Variants in DSCAML1 observed in about 807,000 individuals in gnomAD.
DSCAML1 encodes the protein cell adhesion molecule DSCAML1.
Under a neutral mutation model 200.5 loss-of-function variants are expected in DSCAML1, and 38 were observed. The ratio of observed to expected loss-of-function variants is 0.19; its 90% CI spans 0.15 to 0.25. The LOEUF is 0.25. Ranked by LOEUF, DSCAML1 falls within the 10% of genes least tolerant of loss-of-function variation. The pLI, the probability that DSCAML1 is intolerant of heterozygous loss-of-function variation, is 1.00. For synonymous variants in DSCAML1, 1,215 were observed against 1,165.0 expected (o/e 1.04, Z -0.87); for missense variants, 2,223 against 2,858.8 (o/e 0.78, Z 5.07).
chr11:117,689,865 G>A (rs942423757), intron 3 of DSCAML1, among the ~76,000 whole-genome samples: 4 of 152,138 alleles, frequency 2.6e-5, no homozygotes, highest in African/African-American at 9.7e-5. Context: ...TCAGACAAAC[G>A]ACACCCCTGA....
chr11:117,623,854 T>A (rs2051989457), intron 3 of DSCAML1, among the ~76,000 whole-genome samples: 2 of 152,188 alleles, frequency 1.3e-5, no homozygotes, highest in Admixed American at 1.3e-4. Context: ...CTTCTGACAC[T>A]GAGACCAGTT....
chr11:117,500,765 C>G (rs1251467504), intron 11 of DSCAML1, among the ~76,000 whole-genome samples: 1 of 152,220 alleles, frequency 6.6e-6, no homozygotes, highest in Non-Finnish European at 1.5e-5. Flanking sequence ...CATTAGAAGC[C>G]AACCACAAAC....
At chr11:117,742,170 T>C (rs963401896) in intron 3 of DSCAML1, among the ~76,000 whole-genome samples, 3 of 152,142 alleles carry the variant, frequency 2.0e-5, no homozygotes, top group Non-Finnish European at 4.4e-5. Flanking sequence ...GGAGGAGGAA[T>C]TGCGAAACCC....
Position 117,480,382 on chromosome 11 carries a change from G to C in DSCAML1, c.2785+61C>G. ...GCTCTCCTCCCAGAGGGCACAGGCA[G>C]GACACGTGGCACAAGGGGCCATGGC... On this transcript the variant is annotated intron_variant, in intron 14 of 32. Coordinates refer to ENST00000651296, the MANE Select transcript of DSCAML1 (RefSeq NM_020693.4). The surrounding 1 kb of genome is among the most constrained non-coding windows in gnomAD (Gnocchi z 4.1). 6.2e-7 allele frequency: 1 copy of C among 1,602,292 alleles called. No homozygotes were observed. The highest frequency in any genetic ancestry group is 2.3e-5 in the East Asian group (1 of 44,440).
chr11:117,530,839 C>T (rs1191050166), intron 4 of DSCAML1, among the ~76,000 whole-genome samples: 12 of 152,066 alleles, frequency 7.9e-5, no homozygotes, highest in Admixed American at 2.6e-4. Flanking sequence ...AGAGAGGCTG[C>T]GAGATTTCAT....
chr11:117,670,309 G>GCC (rs2053077540), intron 3 of DSCAML1, among the ~76,000 whole-genome samples: 3 of 152,058 alleles, frequency 2.0e-5, no homozygotes, highest in Admixed American at 2.0e-4. Flanking sequence ...CCGCCCCCCA[G>GCC]ACCGACTCCA....
At chr11:117,692,893 C>A (rs540654803) in intron 3 of DSCAML1, among the ~76,000 whole-genome samples, 1 of 152,298 alleles carries the variant, frequency 6.6e-6, no homozygotes, top group South Asian at 2.1e-4. Flanking sequence ...GGTCTACTTC[C>A]CCTATGCACA....
intron 20 of DSCAML1, among the ~76,000 whole-genome samples, chr11:117,444,976 A>G (rs11216394): frequency 0.41 from 62,550 of 151,958 alleles, 13,154 homozygotes; most frequent in African/African-American, 0.48. Flanking sequence ...GAGGGAGAGC[A>G]GCCCCAGAAC....
intron 3 of DSCAML1, among the ~76,000 whole-genome samples, chr11:117,579,645 A>G (rs2051007588): frequency 6.6e-6 from 1 of 152,176 alleles, no homozygotes; most frequent in Admixed American, 6.5e-5. Flanking sequence ...GATATTTTCT[A>G]GTTCGTGACG....
chr11:117,575,120 G>T (rs765374597), intron 3 of DSCAML1, among the ~76,000 whole-genome samples: 2 of 152,316 alleles, frequency 1.3e-5, no homozygotes, highest in Middle Eastern at 3.4e-3. Context: ...GAACCCAGGA[G>T]GCGGAGGTTG....
At chr11:117,805,719 C>T (rs2055702695) in intron 1 of DSCAML1, among the ~76,000 whole-genome samples, 2 of 152,304 alleles carry the variant, frequency 1.3e-5, no homozygotes, top group Non-Finnish European at 2.9e-5. Context: ...TTGGTTTACT[C>T]ATTCTTTTGG....
intron 3 of DSCAML1, among the ~76,000 whole-genome samples, chr11:117,681,271 G>A (rs529761975): frequency 2.0e-5 from 3 of 152,234 alleles, no homozygotes; most frequent in South Asian, 2.1e-4. Context: ...CAGCAGCATC[G>A]GCATCACCTG....
chr11:117,456,965 G>A (rs2048383422), intron 19 of DSCAML1, among the ~76,000 whole-genome samples: 3 of 152,204 alleles, frequency 2.0e-5, no homozygotes, highest in Admixed American at 6.5e-5. Context: ...GTGAGCCACT[G>A]CATCCGGCCT....
At chr11:117,492,576 T>TTCCCCAACCCACCCCACTCCCCTTC (rs2049204023) in intron 11 of DSCAML1, among the ~76,000 whole-genome samples, 1 of 152,172 alleles carries the variant, frequency 6.6e-6, no homozygotes, top group Non-Finnish European at 1.5e-5. Context: ...GCCCCTCCTT[T>TTCCCCAACCCACCCCACTCCCCTTC]TCCCCAACCC....
At chr11:117,435,153 C>G (rs528124619) in intron 27 of DSCAML1, among the ~76,000 whole-genome samples, 44 of 152,290 alleles carry the variant, frequency 2.9e-4, no homozygotes, top group African/African-American at 1.0e-3. Context: ...ACTGTGGCAT[C>G]AGGTAATGGA....
At chr11:117,486,465 T>A (rs1268953881) in intron 11 of DSCAML1, among the ~76,000 whole-genome samples, 1 of 49,310 alleles carries the variant, frequency 2.0e-5, no homozygotes, top group South Asian at 6.6e-4. Flanking sequence ...GTAGCGGATG[T>A]GAAAATGGTG....
chr11:117,665,523 T>C (rs779506849), intron 3 of DSCAML1, among the ~76,000 whole-genome samples: 4 of 152,168 alleles, frequency 2.6e-5, no homozygotes, highest in Non-Finnish European at 5.9e-5. Flanking sequence ...AGTCTACTTA[T>C]AAAATAGGGC....
At position 117,456,258 on chromosome 11, in the gene DSCAML1, A is replaced by G. The variant is rs531890867; in HGVS notation, c.3568+2496T>C. ...GGGCAGCTGATATTCAGAGGATGGC[A>G]GAGCAGAAGGCTGGGAACCACTGAC... On this transcript the variant is annotated intron_variant, in intron 19 of 32. Transcript: ENST00000651296. Among the ~76,000 whole-genome samples the G allele has an allele frequency of 2.6e-5, 4 of 152,350 alleles. No homozygotes were observed. In the East Asian group the frequency reaches 7.7e-4, roughly 29 times the overall value.
chr11:117,612,219 G>A (rs1030456859), intron 3 of DSCAML1, among the ~76,000 whole-genome samples: 26 of 152,188 alleles, frequency 1.7e-4, no homozygotes, highest in Non-Finnish European at 8.8e-5. Flanking sequence ...TTTCCAGAAA[G>A]AGCTCCACTG....
Sources: gnomAD v4.1 joint callset for allele counts (sites outside exome capture counted in the v4.1 genomes callset) on GRCh38, gnomAD v4.1.1 for gene constraint, Gnocchi (gnomAD v3.1) non-coding constraint, MANE v1.5 for transcripts, NCBI Gene and HGNC (gene_info 2026-07-23, HGNC 2026-07-21) for gene names.